The following LSAMP variants were observed in gnomAD, a reference collection of about 807,000 sequenced individuals.
LSAMP encodes the protein limbic system-associated membrane protein.
LSAMP carries 7 observed loss-of-function variants against 38.6 expected under a neutral mutation model. The observed-to-expected ratio is 0.18, with a 90% CI of 0.10 to 0.34. The LOEUF (loss-of-function observed/expected upper bound fraction) is 0.34, where lower values mean the gene tolerates loss of function less well. Ranked by LOEUF, LSAMP falls within the 10% of genes least tolerant of loss-of-function variation. The pLI, the probability that LSAMP is intolerant of heterozygous loss-of-function variation, is 1.00. For missense variants in LSAMP, 313 were observed against 420.0 expected (o/e 0.75, Z 2.23); for synonymous variants, 154 against 166.8 (o/e 0.92, Z 0.59).
At chr3:115,841,795 GAA>G in intron 6 of LSAMP, 48 bp downstream of exon 6, 1 of 1,544,064 alleles carries the variant, frequency 6.5e-7, no homozygotes, top group Non-Finnish European at 8.7e-7. Context: ...TTTTTCATGT[GAA>G]AAGTCAATTT....
At chr3:116,194,175 T>A (rs888630282) in intron 1 of LSAMP, among the ~76,000 whole-genome samples, 1 of 152,120 alleles carries the variant, frequency 6.6e-6, no homozygotes, top group African/African-American at 2.4e-5. Context: ...ATGCCAGATT[T>A]TTCCATGTAA....
At chr3:116,439,863 C>G (rs1185733752) in intron 1 of LSAMP, among the ~76,000 whole-genome samples, 2 of 152,226 alleles carry the variant, frequency 1.3e-5, no homozygotes, top group East Asian at 3.9e-4. Flanking sequence ...GCTGGGACTA[C>G]AGGTGGGCGC....
chr3:116,197,130 GACACACAC>G (rs10650049), intron 1 of LSAMP, among the ~76,000 whole-genome samples: 8 of 136,822 alleles, frequency 5.8e-5, no homozygotes, highest in East Asian at 2.1e-4. Context: ...ATCCCACTCG[GACACACAC>G]ACACACACAC....
At chr3:116,311,955 T>C (rs1020992402) in intron 1 of LSAMP, among the ~76,000 whole-genome samples, 9 of 152,322 alleles carry the variant, frequency 5.9e-5, no homozygotes, top group African/African-American at 2.2e-4. Context: ...GATGAATGCC[T>C]ATATGAGGAG....
chr3:116,355,181 G>A (rs2048205023), intron 1 of LSAMP, among the ~76,000 whole-genome samples: 1 of 151,858 alleles, frequency 6.6e-6, no homozygotes, highest in South Asian at 2.1e-4. Context: ...AGTAATATCT[G>A]CAGTAAGGAA....
intron 1 of LSAMP, among the ~76,000 whole-genome samples, chr3:116,135,959 G>A (rs1222996669): frequency 6.6e-6 from 1 of 152,094 alleles, no homozygotes; most frequent in Non-Finnish European, 1.5e-5. Flanking sequence ...GTCCTAGAGA[G>A]TCAATACCCA....
intron 2 of LSAMP, among the ~76,000 whole-genome samples, chr3:116,073,556 T>G (rs1359266965): frequency 1.3e-5 from 2 of 152,224 alleles, no homozygotes; most frequent in African/African-American, 2.4e-5. Flanking sequence ...CATGGAATAC[T>G]TTTCCATTTG....
At chr3:116,093,824 T>C (rs1708172124) in intron 1 of LSAMP, among the ~76,000 whole-genome samples, 1 of 152,224 alleles carries the variant, frequency 6.6e-6, no homozygotes. Context: ...GAATGTTATT[T>C]TGATGCTGTT....
intron 1 of LSAMP, among the ~76,000 whole-genome samples, chr3:116,129,355 G>C (rs886658795): frequency 5.3e-5 from 8 of 152,118 alleles, no homozygotes; most frequent in Admixed American, 1.3e-4. Context: ...AGACAAATAG[G>C]AGAGGTTCTG....
Position 116,160,750 on chromosome 3 carries a change from T to C in LSAMP, c.156-74194A>G, listed in dbSNP as rs143061990. ...TGAATATGTAATGGATGTGAGGACA[T>C]ACTCTATGAAGCAGTCTGAAACTTC... On this transcript the variant is annotated intron_variant, in intron 1 of 6. Transcript: ENST00000490035. 6.7e-3 allele frequency among the ~76,000 whole-genome samples: 1,023 copies of C among 152,316 alleles called. 12 individuals are homozygous for C. Among genetic ancestry groups the C allele is most frequent in the African/African-American group, 0.024 (978 of 41,568 alleles).
chr3:116,228,477 C>T (rs773192955), intron 1 of LSAMP, among the ~76,000 whole-genome samples: 1 of 151,968 alleles, frequency 6.6e-6, no homozygotes, highest in Non-Finnish European at 1.5e-5. Context: ...TCAATTTCCT[C>T]ATATGTAAAA....
At chr3:115,998,150 G>C (rs1269149915) in intron 3 of LSAMP, among the ~76,000 whole-genome samples, 3 of 151,666 alleles carry the variant, frequency 2.0e-5, no homozygotes, top group Non-Finnish European at 4.4e-5. Context: ...CACTCAACTA[G>C]GACACAGTGA....
chr3:116,298,173 A>G (rs77229512), intron 1 of LSAMP, among the ~76,000 whole-genome samples: 5,568 of 152,268 alleles, frequency 0.037, 132 homozygotes, highest in Middle Eastern at 0.068. Context: ...CCTAAAATAT[A>G]ATACAACAAT....
At chr3:116,198,496 A>T (rs2045940922) in intron 1 of LSAMP, among the ~76,000 whole-genome samples, 1 of 152,172 alleles carries the variant, frequency 6.6e-6, no homozygotes, top group Non-Finnish European at 1.5e-5. Flanking sequence ...TGAGCTGGGC[A>T]CGGTGGCTCA....
At chr3:115,973,932 A>G (rs1182330690) in intron 3 of LSAMP, among the ~76,000 whole-genome samples, 1 of 152,230 alleles carries the variant, frequency 6.6e-6, no homozygotes, top group African/African-American at 2.4e-5. Context: ...GAATTTTTGA[A>G]TTAGGAATGC....
chr3:116,122,918 G>T (rs1482846297), intron 1 of LSAMP, among the ~76,000 whole-genome samples: 2 of 152,122 alleles, frequency 1.3e-5, no homozygotes, highest in Non-Finnish European at 2.9e-5. Context: ...CCCTTAGAAG[G>T]TTATGTCTAA....
At chr3:116,282,917 T>C (rs999056292) in intron 1 of LSAMP, among the ~76,000 whole-genome samples, 2 of 152,084 alleles carry the variant, frequency 1.3e-5, no homozygotes, top group African/African-American at 4.8e-5. Context: ...CCTTACTCTC[T>C]CCCCTGTCTG....
chr3:115,863,006 T>G (rs779438557), intron 3 of LSAMP, among the ~76,000 whole-genome samples: 8 of 152,210 alleles, frequency 5.3e-5, no homozygotes, highest in African/African-American at 1.9e-4. Flanking sequence ...ATGAGGCCAG[T>G]GGGCCAAAGC....
In LSAMP at chr3:116,004,535, TACAC is replaced by T. The variant is rs796455910; in HGVS notation, c.514+14976_514+14979del. On this transcript the variant is annotated intron_variant, in intron 3 of 6. Coordinates refer to ENST00000490035, the MANE Select transcript of LSAMP (RefSeq NM_002338.5). ...GTATATATATGTGTATATATATATA[TACAC>T]ACACACACGTAGGTGCATATATATA... Among the ~76,000 whole-genome samples the T allele has an allele frequency of 9.5e-3, 1,411 of 149,180 alleles. 15 individuals carry two copies. Among genetic ancestry groups the T allele is most frequent in the Non-Finnish European group, 0.015 (980 of 67,370 alleles).
Sources: allele counts gnomAD v4.1 joint callset (sites outside exome capture counted in the v4.1 genomes callset), GRCh38; gene constraint gnomAD v4.1.1; transcripts MANE v1.5; gene names NCBI Gene and HGNC (gene_info 2026-07-23, HGNC 2026-07-21).